Variants in FGF14 observed in about 807,000 individuals in gnomAD.
FGF14 encodes fibroblast growth factor 14.
Under a neutral mutation model 25.5 loss-of-function variants are expected in FGF14, and 5 were observed. The observed-to-expected ratio is 0.20, with a 90% confidence interval of 0.10 to 0.41. The LOEUF (loss-of-function observed/expected upper bound fraction) is 0.41, where lower values mean the gene tolerates loss of function less well. Ranked by LOEUF, FGF14 falls within the 10% of genes least tolerant of loss-of-function variation. The probability of loss-of-function intolerance (pLI) is 1.00; values close to 1 mark genes in which losing one functional copy is unlikely to be tolerated. For missense variants in FGF14, 222 were observed against 320.1 expected, an observed-to-expected ratio of 0.69 and a Z score of 2.34; for synonymous variants, 138 against 118.3, an observed-to-expected ratio of 1.17 and a Z score of -1.08.
chr13:101,917,376 AAAT>A (rs569704366), upstream of FGF14, among the ~76,000 whole-genome samples: 277 of 152,230 alleles, frequency 1.8e-3, 3 homozygotes, highest in South Asian at 0.023. Context: ...AATGATTTAA[AAAT>A]AATAAGAAAG....
chr13:101,943,812 T>TACAAAA (rs796285466), intron 1 of FGF14, among the ~76,000 whole-genome samples: 1,604 of 133,830 alleles, frequency 0.012, 71 homozygotes, highest in African/African-American at 0.047. Flanking sequence ...TGTCTCTACT[T>TACAAAA]AAAAAAAAAA....
intron 4 of FGF14, among the ~76,000 whole-genome samples, chr13:101,724,868 CAT>C (rs199501097): frequency 0.019 from 2,909 of 150,912 alleles, 93 homozygotes; most frequent in African/African-American, 0.061. Flanking sequence ...CTCTCTTTCT[CAT>C]ATATATATAT....
intron 3 of FGF14, among the ~76,000 whole-genome samples, chr13:101,854,386 T>C (rs1295861648): frequency 6.6e-6 from 1 of 152,070 alleles, no homozygotes; most frequent in Non-Finnish European, 1.5e-5. Flanking sequence ...TCTATGGTAT[T>C]AGAAGAACTG....
At chr13:102,051,156 G>A (rs766661592) in intron 1 of FGF14, among the ~76,000 whole-genome samples, 54 of 152,116 alleles carry the variant, frequency 3.5e-4, no homozygotes, top group Non-Finnish European at 7.2e-4. Flanking sequence ...TTAGCTCTGG[G>A]GCCCACAGTG....
chr13:101,909,546 C>G (rs563677187), intron 1 of FGF14, among the ~76,000 whole-genome samples: 1 of 152,170 alleles, frequency 6.6e-6, no homozygotes. Context: ...AATGAGATAC[C>G]ATCTCACACC....
intron 1 of FGF14, among the ~76,000 whole-genome samples, chr13:102,371,053 A>G (rs2139105245): frequency 6.6e-6 from 1 of 152,162 alleles, no homozygotes; most frequent in Non-Finnish European, 1.5e-5. Context: ...TATTGTCCTC[A>G]TGTATCCCAT....
At chr13:102,029,788 G>A (rs1004625330) in intron 1 of FGF14, among the ~76,000 whole-genome samples, 1 of 152,082 alleles carries the variant, frequency 6.6e-6, no homozygotes, top group Non-Finnish European at 1.5e-5. Context: ...TGTTTTCTTT[G>A]GGAGACCAGA....
At chr13:102,225,369 C>G (rs186751962) in intron 1 of FGF14, among the ~76,000 whole-genome samples, 5 of 152,316 alleles carry the variant, frequency 3.3e-5, no homozygotes, top group Non-Finnish European at 7.4e-5. Context: ...CCACTTTTAA[C>G]TACCCGCTCA....
chr13:102,083,294 T>G (rs935307936), intron 1 of FGF14, among the ~76,000 whole-genome samples: 1 of 152,254 alleles, frequency 6.6e-6, no homozygotes, highest in Non-Finnish European at 1.5e-5. Context: ...TTCAGCCTAT[T>G]GTCAACTCTG....
intron 1 of FGF14, among the ~76,000 whole-genome samples, chr13:102,124,495 G>A (rs1157564160): frequency 6.6e-6 from 1 of 152,066 alleles, no homozygotes; most frequent in Non-Finnish European, 1.5e-5. Context: ...CCAATTTTCT[G>A]TAGTACTGGA....
chr13:101,913,057 T>G (rs1285221900), intron 1 of FGF14, among the ~76,000 whole-genome samples: 1 of 152,244 alleles, frequency 6.6e-6, no homozygotes, highest in Non-Finnish European at 1.5e-5. Context: ...GAATTATTTT[T>G]AATTGTATCC....
At chr13:101,890,390 C>A (rs1444555705) in intron 1 of FGF14, among the ~76,000 whole-genome samples, 1 of 152,014 alleles carries the variant, frequency 6.6e-6, no homozygotes, top group Non-Finnish European at 1.5e-5. Flanking sequence ...GCTGACTGCC[C>A]AGGACTTGTA....
intron 1 of FGF14, among the ~76,000 whole-genome samples, chr13:102,298,246 C>T (rs182094911): frequency 4.4e-4 from 67 of 152,258 alleles, no homozygotes; most frequent in Admixed American, 3.1e-3. Flanking sequence ...CACTTAAAAA[C>T]ACCAAAATTA....
chr13:102,375,274 C>G (rs902851209), intron 1 of FGF14, among the ~76,000 whole-genome samples: 8 of 152,108 alleles, frequency 5.3e-5, no homozygotes, highest in African/African-American at 1.9e-4. Context: ...CAGGATCGAT[C>G]CAGGGGCAGG....
intron 1 of FGF14, among the ~76,000 whole-genome samples, chr13:101,880,775 C>T (rs903548825): frequency 6.6e-6 from 1 of 152,102 alleles, no homozygotes; most frequent in Admixed American, 6.6e-5. Flanking sequence ...CTCAAAATAA[C>T]CTACCACGGT....
chr13:101,793,081 C>T lies in FGF14; in HGVS notation c.409-66271G>A, dbSNP rs117246275. Reference sequence around the variant, plus strand: ...ACATTACTCAGTTATTAGCTGTATTCACTACACTGTGCAACAGATCTATAA... The same window carrying T: ...ACATTACTCAGTTATTAGCTGTATTTACTACACTGTGCAACAGATCTATAA... On this transcript the variant is annotated intron_variant, in intron 3 of 4. Transcript: ENST00000376143. Among the ~76,000 whole-genome samples the T allele has an allele frequency of 1.5e-4, 23 of 152,148 alleles. No homozygotes were observed. The East Asian group carries it at 4.4e-3, about 29-fold the overall frequency.
At chr13:101,868,063 T>C (rs1308403393) in intron 3 of FGF14, among the ~76,000 whole-genome samples, 1 of 152,172 alleles carries the variant, frequency 6.6e-6, no homozygotes, top group Non-Finnish European at 1.5e-5. Context: ...TTTAAGACTT[T>C]ATCAATTTTT....
At chr13:102,090,633 G>A (rs1035374564) in intron 1 of FGF14, among the ~76,000 whole-genome samples, 23 of 152,212 alleles carry the variant, frequency 1.5e-4, no homozygotes, top group African/African-American at 5.5e-4. Context: ...GATGGCAGTG[G>A]TCAAGTAGGC....
At chr13:102,197,203 T>G (rs2049400014) in intron 1 of FGF14, among the ~76,000 whole-genome samples, 2 of 72,574 alleles carry the variant, frequency 2.8e-5, no homozygotes, top group South Asian at 9.2e-4. Context: ...TCCAAGCCAA[T>G]GACTTCTTCA....
Sources: gnomAD v4.1 joint callset for allele counts (sites outside exome capture counted in the v4.1 genomes callset) on GRCh38, gnomAD v4.1.1 for gene constraint, MANE v1.5 for transcripts, NCBI Gene and HGNC (gene_info 2026-07-23, HGNC 2026-07-21) for gene names.